NEK11: variants seen among roughly 807,000 people sequenced by gnomAD.
NEK11 encodes the protein serine/threonine-protein kinase Nek11.
In NEK11, 72 loss-of-function variants were observed where a neutral mutation model predicts 80.7. That is an observed-to-expected ratio of 0.89 (90% CI 0.74 to 1.08). The LOEUF is 1.08. NEK11 is among the 50% of genes least tolerant of loss of function. The pLI, the probability that NEK11 is intolerant of heterozygous loss-of-function variation, is 0.00. For missense variants in NEK11, 764 were observed against 763.6 expected (o/e 1.00, Z -0.01); for synonymous variants, 251 against 260.7 (o/e 0.96, Z 0.36).
At chr3:131,277,687 G>A (rs999778666) in intron 17 of NEK11, among the ~76,000 whole-genome samples, 6 of 152,218 alleles carry the variant, frequency 3.9e-5, no homozygotes, top group African/African-American at 1.4e-4. Context: ...CAGGCATAGA[G>A]TAGACCCTAG....
At chr3:131,170,535 T>C (rs564838841) in intron 13 of NEK11, among the ~76,000 whole-genome samples, 1 of 152,244 alleles carries the variant, frequency 6.6e-6, no homozygotes, top group Admixed American at 6.5e-5. Flanking sequence ...GCTTATCTAG[T>C]CATGATCCTG....
intron 3 of NEK11, among the ~76,000 whole-genome samples, chr3:131,038,171 G>A (rs955679260): frequency 1.3e-5 from 2 of 152,054 alleles, no homozygotes; most frequent in African/African-American, 4.8e-5. Context: ...ATTAAAAACA[G>A]TTCAGATTCT....
intron 3 of NEK11, among the ~76,000 whole-genome samples, chr3:131,073,737 A>T (rs997180522): frequency 6.6e-6 from 1 of 152,038 alleles, no homozygotes; most frequent in African/African-American, 2.4e-5. Context: ...AATTTCCTTT[A>T]TTTTTATCCT....
At chr3:131,117,334 T>C (rs139767913) in intron 5 of NEK11, among the ~76,000 whole-genome samples, 5 of 152,360 alleles carry the variant, frequency 3.3e-5, no homozygotes, top group African/African-American at 1.2e-4. Context: ...CATTGGTCTA[T>C]ATCTCTGTTT....
At chr3:131,229,092 G>A (rs2095277266) in intron 15 of NEK11, among the ~76,000 whole-genome samples, 1 of 152,264 alleles carries the variant, frequency 6.6e-6, no homozygotes, top group East Asian at 1.9e-4. Flanking sequence ...CAAATTGAAT[G>A]CAAATAAAAT....
chr3:131,056,975 G>C (rs937919063), intron 3 of NEK11, among the ~76,000 whole-genome samples: 3 of 150,928 alleles, frequency 2.0e-5, no homozygotes, highest in Non-Finnish European at 3.0e-5. Context: ...CCATGCTGGT[G>C]TGCTGCACCC....
intron 3 of NEK11, among the ~76,000 whole-genome samples, chr3:131,043,270 T>C (rs2066823160): frequency 2.0e-5 from 3 of 152,194 alleles, no homozygotes; most frequent in Admixed American, 6.5e-5. Flanking sequence ...GTTTGACAAA[T>C]TGACAGAAGT....
Position 131,044,292 on chromosome 3 carries a change from G to T in NEK11, c.170+14414G>T, listed in dbSNP as rs893979094. 1.5e-4 allele frequency among the ~76,000 whole-genome samples: 23 copies of T among 151,904 alleles called. No homozygotes were observed. In the East Asian group the frequency reaches 3.7e-3, roughly 24 times the overall value. ...ATGGGCTAAATGCCCCAATTAAAAG[G>T]CACAGACTGGCAAATTGGATAGAGT... On this transcript the variant is annotated intron_variant, in intron 3 of 17. Transcript: ENST00000383366.
At chr3:131,234,922 A>G (rs1205393961) in intron 15 of NEK11, among the ~76,000 whole-genome samples, 2 of 152,066 alleles carry the variant, frequency 1.3e-5, no homozygotes, top group Admixed American at 6.6e-5. Context: ...AGTCTTTAAA[A>G]TTAGGTCCAT....
At chr3:131,329,536 T>C (rs1205445468) in intron 17 of NEK11, 1 of 150,866 alleles carries the variant, frequency 6.6e-6, no homozygotes, top group Non-Finnish European at 1.5e-5. Context: ...AATCATAAAA[T>C]ATTAGGGAAA....
At chr3:131,241,849 A>ATG (rs1162444059) in intron 15 of NEK11, among the ~76,000 whole-genome samples, 1 of 152,060 alleles carries the variant, frequency 6.6e-6, no homozygotes. Context: ...ATATATGTTT[A>ATG]TGTGTGTGTG....
intron 7 of NEK11, among the ~76,000 whole-genome samples, chr3:131,144,316 G>A (rs911514746): frequency 5.3e-5 from 8 of 151,938 alleles, no homozygotes; most frequent in Non-Finnish European, 8.8e-5. Context: ...TCTGTATTTT[G>A]GAAAAAGAAA....
At chr3:131,069,109 CT>C (rs2072665024) in intron 3 of NEK11, among the ~76,000 whole-genome samples, 1 of 152,010 alleles carries the variant, frequency 6.6e-6, no homozygotes, top group Admixed American at 6.6e-5. Context: ...GGTTAAAGAA[CT>C]TTATTTCATT....
chr3:131,168,982 A>G (rs748354262), intron 13 of NEK11, 45 bp downstream of exon 13: 2 of 1,453,114 alleles, frequency 1.4e-6, no homozygotes, highest in African/African-American at 1.4e-5. Flanking sequence ...GGCAGGTTTA[A>G]TGATATCCAG....
chr3:131,102,952 T>G lies in NEK11; in HGVS notation c.337-6851T>G, dbSNP rs534808533. On this transcript the variant is annotated intron_variant, in intron 4 of 17. Coordinates refer to ENST00000383366, the MANE Select transcript of NEK11 (RefSeq NM_024800.5). ...TCTGAGATTCTTTTCTCAGCTTTGA[T>G]CCTTCTGTTAATACTTTTGATTATA... Among the ~76,000 whole-genome samples, 4 of 152,362 alleles carry G rather than the reference T, an allele frequency of 2.6e-5. No homozygotes were observed. The South Asian group carries it at 8.3e-4, about 32-fold the overall frequency.
chr3:131,046,990 T>G (rs2067500734), intron 3 of NEK11, among the ~76,000 whole-genome samples: 1 of 152,210 alleles, frequency 6.6e-6, no homozygotes, highest in Non-Finnish European at 1.5e-5. Flanking sequence ...TTAAAAAAAT[T>G]ATTTTTTCTT....
Position 131,165,550 on chromosome 3 carries a change from A to G in NEK11, c.1176+31A>G, listed in dbSNP as rs781766534. The stretch of plus-strand genomic sequence containing the variant: ...TACCCTCTTATTTTAAATTTTACAT[A>G]AAAATTTTTCTTGCTTTAGATTCAT... On this transcript the variant is annotated intron_variant, in intron 12 of 17. Coordinates refer to ENST00000383366, the MANE Select transcript of NEK11 (RefSeq NM_024800.5). 6.2e-6 allele frequency: 9 copies of G among 1,454,706 alleles called. No homozygotes were observed. The Admixed American group carries it at 1.6e-4, about 26-fold the overall frequency. The allele number at this position is 1,454,706 out of a possible 1,614,324, so 90.1% of individuals were successfully genotyped here.
intron 5 of NEK11, among the ~76,000 whole-genome samples, chr3:131,112,033 T>C (rs1041474714): frequency 6.6e-6 from 1 of 152,204 alleles, no homozygotes; most frequent in African/African-American, 2.4e-5. Context: ...TGCAAAACTT[T>C]CTAAGCCAAA....
intron 14 of NEK11, among the ~76,000 whole-genome samples, chr3:131,213,517 C>G (rs1158998184): frequency 1.3e-5 from 2 of 152,122 alleles, no homozygotes; most frequent in East Asian, 3.8e-4. Context: ...TGAGAAAATA[C>G]AACGAGAAAA....
Sources: allele counts gnomAD v4.1 joint callset (sites outside exome capture counted in the v4.1 genomes callset), GRCh38; gene constraint gnomAD v4.1.1; transcripts MANE v1.5; gene names NCBI Gene and HGNC (gene_info 2026-07-23, HGNC 2026-07-21).